The following TUSC3 variants were observed in gnomAD, a reference collection of about 807,000 sequenced individuals.
TUSC3 encodes dolichyl-diphosphooligosaccharide--protein glycosyltransferase subunit TUSC3.
In TUSC3, 45 loss-of-function variants were observed where a neutral mutation model predicts 44.8. That is an observed-to-expected ratio of 1.00 (90% CI 0.79 to 1.29). The LOEUF (loss-of-function observed/expected upper bound fraction) is 1.29, where lower values mean the gene tolerates loss of function less well. Among genes scored for constraint, TUSC3 ranks in the 50% most tolerant of loss-of-function variants. The pLI is 0.00. For synonymous variants in TUSC3, 212 were observed against 152.9 expected (o/e 1.39, Z -2.85); for missense variants, 519 against 437.9 (o/e 1.19, Z -1.65).
chr8:15,688,371 T>C (rs997544425), intron 6 of TUSC3, among the ~76,000 whole-genome samples: 6 of 152,128 alleles, frequency 3.9e-5, no homozygotes, highest in African/African-American at 1.2e-4. Flanking sequence ...TCTCTGACTT[T>C]AGTAAGTTTT....
In TUSC3 at chr8:15,444,142, A is replaced by T. The variant is rs559753641; in HGVS notation, n.91+26837A>T. On this transcript the variant is annotated intron_variant and non_coding_transcript_variant, in intron 1 of 5. Transcript: ENST00000503191. Reference sequence around the variant, plus strand: ...TTTTGTATTATATTCATAAGCAATTAATTGACACAAACATAAAGTACTCCA... The same window carrying T: ...TTTTGTATTATATTCATAAGCAATTTATTGACACAAACATAAAGTACTCCA... 3.9e-5 allele frequency among the ~76,000 whole-genome samples: 6 copies of T among 152,306 alleles called. No homozygotes were observed. In the South Asian group the frequency reaches 1.2e-3, roughly 32 times the overall value.
Position 15,449,348 on chromosome 8 carries a change from G to A in TUSC3, n.91+32043G>A, listed in dbSNP as rs143128747. On this transcript the variant is annotated intron_variant and non_coding_transcript_variant, in intron 1 of 5. Transcript: ENST00000503191. ...ATGGCCGTGTTAGCATGGCTCAAGC[G>A]TGGAGTTTTTTGACCCTCTGATGTC... Among the ~76,000 whole-genome samples, 430 of 152,290 alleles carry A rather than the reference G, an allele frequency of 2.8e-3. 4 individuals are homozygous for A. The highest frequency in any genetic ancestry group is 9.8e-3 in the African/African-American group (406 of 41,564).
chr8:15,844,395 T>C, the TUSC3 span, among the ~76,000 whole-genome samples: 2 of 152,204 alleles, frequency 1.3e-5, no homozygotes, highest in South Asian at 2.1e-4. Context: ...AAGAGTCTAT[T>C]TGAGGAGACA....
At chr8:15,781,542 A>C in the TUSC3 span, among the ~76,000 whole-genome samples, 5 of 152,196 alleles carry the variant, frequency 3.3e-5, no homozygotes, top group East Asian at 9.6e-4. Flanking sequence ...TTTTCAACAG[A>C]AACCTTGCAG....
At chr8:15,720,537 A>G (rs1435305648) in intron 6 of TUSC3, among the ~76,000 whole-genome samples, 7 of 152,078 alleles carry the variant, frequency 4.6e-5, no homozygotes, top group Non-Finnish European at 8.8e-5. Context: ...GTTGTGCTAT[A>G]TTTCACATCA....
chr8:15,798,952 G>A, the TUSC3 span, among the ~76,000 whole-genome samples: 1 of 152,122 alleles, frequency 6.6e-6, no homozygotes, highest in Non-Finnish European at 1.5e-5. Context: ...TCTCCAGTGG[G>A]TCTCCTATAT....
chr8:15,418,450 C>G (rs1192521790), intron 1 of TUSC3, among the ~76,000 whole-genome samples: 1 of 152,106 alleles, frequency 6.6e-6, no homozygotes, highest in Non-Finnish European at 1.5e-5. Flanking sequence ...CAAACTACTG[C>G]TACTTGTGAA....
the TUSC3 span, among the ~76,000 whole-genome samples, chr8:15,846,662 T>C: frequency 6.6e-6 from 1 of 151,900 alleles, no homozygotes; most frequent in African/African-American, 2.4e-5. Context: ...ATTGAGGAGT[T>C]GAACAATGAG....
At chr8:15,673,411 C>T (rs953879337) in intron 5 of TUSC3, among the ~76,000 whole-genome samples, 6 of 152,038 alleles carry the variant, frequency 3.9e-5, no homozygotes, top group African/African-American at 1.4e-4. Flanking sequence ...ACTAGAACAT[C>T]AAGTGTCTCA....
At chr8:15,692,597 T>G (rs1808966514) in intron 6 of TUSC3, among the ~76,000 whole-genome samples, 1 of 151,794 alleles carries the variant, frequency 6.6e-6, no homozygotes, top group African/African-American at 2.4e-5. Flanking sequence ...TTCCAGGAAT[T>G]TATCTGTTTC....
At chr8:15,473,531 C>T (rs765840216) in intron 1 of TUSC3, among the ~76,000 whole-genome samples, 65 of 152,262 alleles carry the variant, frequency 4.3e-4, no homozygotes, top group South Asian at 8.3e-4. Flanking sequence ...ACTATTTCAA[C>T]GTAGGTTCTA....
At chr8:15,647,131 T>G (rs1806668089) in intron 2 of TUSC3, among the ~76,000 whole-genome samples, 1 of 152,130 alleles carries the variant, frequency 6.6e-6, no homozygotes. Context: ...GTAACCATAA[T>G]TATTACATTT....
At chr8:15,838,939 T>C in the TUSC3 span, among the ~76,000 whole-genome samples, 3 of 152,178 alleles carry the variant, frequency 2.0e-5, no homozygotes, top group Non-Finnish European at 4.4e-5. Context: ...ATCTATAAAT[T>C]ACCTTGGGCA....
chr8:15,743,314 C>G (rs1165111428), intron 7 of TUSC3: 2 of 541,456 alleles, frequency 3.7e-6, no homozygotes, highest in Non-Finnish European at 6.6e-6. Context: ...TTGGAATTAG[C>G]CTCTCAATAT....
the TUSC3 span, among the ~76,000 whole-genome samples, chr8:15,848,135 G>A: frequency 2.0e-5 from 3 of 151,932 alleles, no homozygotes; most frequent in South Asian, 4.1e-4. Flanking sequence ...TTCCCCCCGA[G>A]TGAAGTAAGC....
chr8:15,837,698 T>C, the TUSC3 span, among the ~76,000 whole-genome samples: 13 of 152,218 alleles, frequency 8.5e-5, no homozygotes, highest in Admixed American at 5.9e-4. Context: ...TTTAGTGTTC[T>C]AGCTTCAGAG....
At position 15,581,453 on chromosome 8, in the gene TUSC3, C is replaced by G. The variant is rs906156178; in HGVS notation, c.138+40885C>G. 4.2e-3 allele frequency among the ~76,000 whole-genome samples: 622 copies of G among 148,640 alleles called. 4 individuals carry two copies. The highest frequency in any genetic ancestry group is 6.8e-3 in the Middle Eastern group (2 of 294). ...TTTTTCCCCATCTTTGTGGTTTTAT[C>G]TACTTTTGGTCTTTGATGATGGTGA... On this transcript the variant is annotated intron_variant, in intron 1 of 10. Transcript: ENST00000503731.
chr8:15,491,890 G>C (rs768615908), intron 2 of TUSC3, among the ~76,000 whole-genome samples: 1 of 152,076 alleles, frequency 6.6e-6, no homozygotes, highest in African/African-American at 2.4e-5. Flanking sequence ...TAATGCATTC[G>C]CTGTTCCACA....
intron 1 of TUSC3, among the ~76,000 whole-genome samples, chr8:15,434,061 T>C (rs1799913851): frequency 6.6e-6 from 1 of 152,182 alleles, no homozygotes; most frequent in Admixed American, 6.5e-5. Flanking sequence ...CCTTTCCGTT[T>C]TGTAGTCTCA....
Sources: gnomAD v4.1 joint callset for allele counts (sites outside exome capture counted in the v4.1 genomes callset) on GRCh38, gnomAD v4.1.1 for gene constraint, MANE v1.5 for transcripts, NCBI Gene and HGNC (gene_info 2026-07-23, HGNC 2026-07-21) for gene names.